Variants in RBMS3 observed in about 807,000 individuals in gnomAD.
RBMS3 encodes RNA binding motif single stranded interacting protein 3.
In RBMS3, 27 loss-of-function variants were observed where a neutral mutation model predicts 66.8. The observed-to-expected ratio is 0.40, with a 90% confidence interval of 0.30 to 0.56. RBMS3 has a LOEUF of 0.56. Ranked by LOEUF, RBMS3 falls within the 20% of genes least tolerant of loss-of-function variation. The probability of loss-of-function intolerance (pLI) is 0.40; values close to 1 mark genes in which losing one functional copy is unlikely to be tolerated. For missense variants in RBMS3, 513 were observed against 549.5 expected (o/e 0.93, Z 0.66); for synonymous variants, 188 against 183.0 (o/e 1.03, Z -0.22).
chr3:29,921,764 A>G (rs2060786312), intron 10 of RBMS3, among the ~76,000 whole-genome samples: 1 of 152,162 alleles, frequency 6.6e-6, no homozygotes, highest in Non-Finnish European at 1.5e-5. Context: ...TAAGATAACA[A>G]TTGAGCCATG....
chr3:29,788,628 A>G (rs2056904950), intron 6 of RBMS3, among the ~76,000 whole-genome samples: 1 of 152,226 alleles, frequency 6.6e-6, no homozygotes, highest in African/African-American at 2.4e-5. Context: ...TAAATGTTCA[A>G]ACGTTTCCTT....
chr3:29,992,300 T>C (rs1169970583), intron 14 of RBMS3, among the ~76,000 whole-genome samples: 1 of 152,126 alleles, frequency 6.6e-6, no homozygotes, highest in East Asian at 1.9e-4. Context: ...AAACCATAGG[T>C]ATTAGGCCGG....
At chr3:29,361,884 G>T (rs959565821) in intron 1 of RBMS3, among the ~76,000 whole-genome samples, 3 of 152,150 alleles carry the variant, frequency 2.0e-5, no homozygotes, top group Non-Finnish European at 2.9e-5. Flanking sequence ...CTCGTGCCAT[G>T]GTTTTCAGCT....
At chr3:29,997,964 A>T (rs1254124464) in intron 14 of RBMS3, among the ~76,000 whole-genome samples, 1 of 152,210 alleles carries the variant, frequency 6.6e-6, no homozygotes, top group Non-Finnish European at 1.5e-5. Context: ...AATTAGGAAA[A>T]GAGGAAGTCA....
intron 4 of RBMS3, among the ~76,000 whole-genome samples, chr3:29,633,070 C>A (rs1259605860): frequency 1.3e-5 from 2 of 151,744 alleles, no homozygotes; most frequent in African/African-American, 4.8e-5. Context: ...TGTGCTTATC[C>A]TACTGAAGTA....
intron 4 of RBMS3, among the ~76,000 whole-genome samples, chr3:29,639,728 C>T (rs2049622557): frequency 6.6e-6 from 1 of 151,628 alleles, no homozygotes; most frequent in Admixed American, 6.6e-5. Flanking sequence ...AATAGAGAAG[C>T]CCAGTATCTG....
intron 4 of RBMS3, among the ~76,000 whole-genome samples, chr3:29,713,161 C>G (rs1193985697): frequency 6.6e-6 from 1 of 151,772 alleles, no homozygotes; most frequent in Non-Finnish European, 1.5e-5. Flanking sequence ...CTTGTAGTAT[C>G]AAACTTTAGA....
chr3:29,691,736 A>G (rs2149273855), intron 4 of RBMS3, among the ~76,000 whole-genome samples: 1 of 152,292 alleles, frequency 6.6e-6, no homozygotes, highest in Non-Finnish European at 1.5e-5. Flanking sequence ...ACAGAGACTC[A>G]TAATTCTGCC....
At chr3:29,533,001 G>A (rs530468302) in intron 3 of RBMS3, among the ~76,000 whole-genome samples, 71 of 152,114 alleles carry the variant, frequency 4.7e-4, no homozygotes, top group African/African-American at 1.7e-3. Context: ...TGCCTTAAAA[G>A]TTTCTGATTA....
intron 1 of RBMS3, among the ~76,000 whole-genome samples, chr3:29,380,258 CAT>C (rs1241625849): frequency 3.3e-5 from 5 of 151,382 alleles, no homozygotes; most frequent in African/African-American, 9.7e-5. Context: ...AATAAGCTAA[CAT>C]GTTATAAAAA....
At chr3:29,421,170 A>C (rs540402216) in intron 1 of RBMS3, among the ~76,000 whole-genome samples, 145 of 152,158 alleles carry the variant, frequency 9.5e-4, no homozygotes, top group African/African-American at 3.4e-3. Flanking sequence ...CAAGTTTTAC[A>C]TCGTATTCTT....
At chr3:29,668,816 G>C (rs2149242622) in intron 4 of RBMS3, among the ~76,000 whole-genome samples, 2 of 152,310 alleles carry the variant, frequency 1.3e-5, no homozygotes, top group African/African-American at 4.8e-5. Flanking sequence ...ATACTTTTCA[G>C]TTATATAACT....
At chr3:29,811,640 G>A (rs1042471699) in intron 6 of RBMS3, among the ~76,000 whole-genome samples, 1 of 152,056 alleles carries the variant, frequency 6.6e-6, no homozygotes, top group Non-Finnish European at 1.5e-5. Flanking sequence ...ATTCCCTCCA[G>A]TTTTTTTCTC....
At chr3:29,301,883 G>C (rs1026605314) in intron 1 of RBMS3, among the ~76,000 whole-genome samples, 18 of 151,976 alleles carry the variant, frequency 1.2e-4, no homozygotes, top group Non-Finnish European at 2.1e-4. Context: ...GATGTTGTGG[G>C]TCTGCAAACC....
chr3:29,726,161 C>G (rs2053863949), intron 4 of RBMS3, among the ~76,000 whole-genome samples: 1 of 152,150 alleles, frequency 6.6e-6, no homozygotes, highest in African/African-American at 2.4e-5. Flanking sequence ...TTCAACACCC[C>G]TTCATGCTAA....
intron 1 of RBMS3, among the ~76,000 whole-genome samples, chr3:29,380,845 T>A (rs901957384): frequency 6.6e-6 from 1 of 152,168 alleles, no homozygotes; most frequent in Admixed American, 6.5e-5. Context: ...TTGAGTGTAG[T>A]GTGGAATTGC....
At chr3:29,914,627 C>G (rs946776005) in intron 10 of RBMS3, among the ~76,000 whole-genome samples, 1 of 151,776 alleles carries the variant, frequency 6.6e-6, no homozygotes, top group African/African-American at 2.4e-5. Context: ...TTTCTTATAC[C>G]TATACTGTTA....
chr3:29,510,467 A>G (rs1179260141), intron 3 of RBMS3, among the ~76,000 whole-genome samples: 2 of 152,178 alleles, frequency 1.3e-5, no homozygotes, highest in Non-Finnish European at 2.9e-5. Flanking sequence ...GCTCTTGGTA[A>G]AGTCCCTTTT....
Position 29,662,785 on chromosome 3 carries a change from G to T in RBMS3, c.399+75580G>T, listed in dbSNP as rs144273483. On this transcript the variant is annotated intron_variant, in intron 4 of 14. Coordinates refer to ENST00000383767, the MANE Select transcript of RBMS3 (RefSeq NM_001003793.3). ...CATGGCAGTATAGACATTTCAAGAAGAATGAGTGATAGCCACCAATGATTT... is the reference window on the plus strand; with the variant it reads ...CATGGCAGTATAGACATTTCAAGAATAATGAGTGATAGCCACCAATGATTT... Among the ~76,000 whole-genome samples, 285 of 152,296 alleles carry T rather than the reference G, an allele frequency of 1.9e-3. 1 individual carries two copies. The highest frequency in any genetic ancestry group is 6.3e-3 in the African/African-American group (262 of 41,572).
Sources: allele counts gnomAD v4.1 joint callset (sites outside exome capture counted in the v4.1 genomes callset), GRCh38; gene constraint gnomAD v4.1.1; transcripts MANE v1.5; gene names NCBI Gene and HGNC (gene_info 2026-07-23, HGNC 2026-07-21).